GLI3: variants seen among roughly 807,000 people sequenced by gnomAD.
GLI3 encodes transcription activator GLI3.
GLI3 carries 20 observed loss-of-function variants against 100.8 expected under a neutral mutation model. The ratio of observed to expected loss-of-function variants is 0.20; its 90% CI spans 0.14 to 0.29. The LOEUF is 0.29. Among genes scored for constraint, GLI3 ranks in the 10% least tolerant of loss-of-function variants. GLI3 has a pLI of 1.00. For synonymous variants in GLI3, 938 were observed against 860.5 expected (o/e 1.09, Z -1.58); for missense variants, 2,040 against 2,128.5 (o/e 0.96, Z 0.82).
intron 7 of GLI3, among the ~76,000 whole-genome samples, chr7:42,036,348 G>A (rs1789437888): frequency 6.6e-6 from 1 of 152,152 alleles, no homozygotes; most frequent in South Asian, 2.1e-4. Context: ...AATTACTCAT[G>A]AGAGAGCTCC....
At chr7:42,208,191 A>AAAATAG (rs1448123239) in intron 2 of GLI3, among the ~76,000 whole-genome samples, 2 of 152,100 alleles carry the variant, frequency 1.3e-5, no homozygotes, top group Non-Finnish European at 2.9e-5. Context: ...AATAAAAATA[A>AAAATAG]AAACACATTT....
At chr7:41,989,760 C>A (rs1240089141) in intron 10 of GLI3, among the ~76,000 whole-genome samples, 1 of 151,916 alleles carries the variant, frequency 6.6e-6, no homozygotes, top group Non-Finnish European at 1.5e-5. Flanking sequence ...GGGCTGGGTG[C>A]AGTGGCTCAC....
chr7:42,169,022 T>C (rs1430707936), intron 2 of GLI3, among the ~76,000 whole-genome samples: 1 of 152,212 alleles, frequency 6.6e-6, no homozygotes, highest in Non-Finnish European at 1.5e-5. Context: ...TTGAGCCTAA[T>C]TCTAGCTTCA....
chr7:42,096,021 G>C (rs1278491419), intron 3 of GLI3, among the ~76,000 whole-genome samples: 1 of 152,160 alleles, frequency 6.6e-6, no homozygotes, highest in African/African-American at 2.4e-5. Flanking sequence ...GGGCCAGAGG[G>C]AGGAGGCAGT....
At chr7:42,209,908 T>C (rs1466737899) in intron 2 of GLI3, among the ~76,000 whole-genome samples, 1 of 126,462 alleles carries the variant, frequency 7.9e-6, no homozygotes, top group Middle Eastern at 5.4e-3. Flanking sequence ...ATTTTCCAAG[T>C]GAAAGTTAGA....
Position 42,257,866 on chromosome 7 carries a change from A to G in GLI3, c.-43+6128T>C, listed in dbSNP as rs375672464. 2.6e-5 allele frequency among the ~76,000 whole-genome samples: 4 copies of G among 152,190 alleles called. No individual in the cohort carries two copies. In the East Asian group the frequency reaches 5.8e-4, roughly 22 times the overall value. ...GTATATTATATCCATTGCTTTTTGT[A>G]TATTAAGCAAACCTTGTATTTCTGA... On this transcript the variant is annotated intron_variant, in intron 1 of 2. Coordinates refer to the GLI3 transcript ENST00000678978.
intron 2 of GLI3, among the ~76,000 whole-genome samples, chr7:42,194,431 C>A (rs1787885485): frequency 6.6e-6 from 1 of 152,190 alleles, no homozygotes; most frequent in Admixed American, 6.5e-5. Context: ...AGGCCTACAT[C>A]CAACTTTTCT....
At chr7:42,209,626 G>GGA (rs1356889083) in intron 2 of GLI3, among the ~76,000 whole-genome samples, 2 of 152,064 alleles carry the variant, frequency 1.3e-5, no homozygotes, top group Non-Finnish European at 2.9e-5. Context: ...GAATATCAAG[G>GGA]GAGAGAGAGC....
At chr7:42,111,860 CT>C (rs1785715464) in intron 3 of GLI3, among the ~76,000 whole-genome samples, 1 of 152,142 alleles carries the variant, frequency 6.6e-6, no homozygotes, top group Admixed American at 6.5e-5. Flanking sequence ...TGGAAAAACA[CT>C]AGATGACCCA....
intron 10 of GLI3, among the ~76,000 whole-genome samples, chr7:42,014,664 T>C (rs768190046): frequency 1.2e-4 from 18 of 152,282 alleles, no homozygotes; most frequent in Non-Finnish European, 1.9e-4. Context: ...CCTTACTCAT[T>C]TTCCCACTGT....
intron 3 of GLI3, among the ~76,000 whole-genome samples, chr7:42,081,375 G>T (rs963523311): frequency 3.3e-5 from 5 of 152,202 alleles, no homozygotes; most frequent in African/African-American, 1.2e-4. Flanking sequence ...ACTAAACAGA[G>T]ATTTGAAGAG....
At chr7:42,261,235 G>T (rs10257205) in intron 1 of GLI3, among the ~76,000 whole-genome samples, 1 of 151,174 alleles carries the variant, frequency 6.6e-6, no homozygotes, top group Non-Finnish European at 1.5e-5. Context: ...CACACACACA[G>T]AGAGAGATTA....
intron 4 of GLI3, among the ~76,000 whole-genome samples, chr7:42,064,414 A>G (rs1015408547): frequency 1.6e-4 from 25 of 152,304 alleles, no homozygotes; most frequent in African/African-American, 5.5e-4. Context: ...GTGCTCAAGG[A>G]TCCGGTTAAC....
intron 2 of GLI3, among the ~76,000 whole-genome samples, chr7:42,207,891 C>T (rs1295426545): frequency 2.0e-5 from 3 of 152,224 alleles, no homozygotes; most frequent in Admixed American, 6.5e-5. Flanking sequence ...AGCACGGTGG[C>T]TCACGCCTAT....
chr7:42,226,218 C>A (rs995334434), intron 1 of GLI3, among the ~76,000 whole-genome samples: 3 of 152,120 alleles, frequency 2.0e-5, no homozygotes, highest in African/African-American at 4.8e-5. Context: ...GAGTCTACAA[C>A]GTTAAAACTG....
chr7:42,264,033 A>C (rs1315488036), exon 1 of GLI3, among the ~76,000 whole-genome samples: 1 of 152,076 alleles, frequency 6.6e-6, no homozygotes, highest in East Asian at 1.9e-4. Context: ...GGATCGCTTC[A>C]CTCTGATTGT....
chr7:42,001,236 CAA>C (rs10700047), intron 10 of GLI3, among the ~76,000 whole-genome samples: 2 of 85,700 alleles, frequency 2.3e-5, no homozygotes. Context: ...GACTATGTCT[CAA>C]AAAAAAAAAA....
intron 10 of GLI3, among the ~76,000 whole-genome samples, chr7:42,008,847 C>A (rs2128724666): frequency 6.6e-6 from 1 of 152,316 alleles, no homozygotes; most frequent in South Asian, 2.1e-4. Context: ...ATTAAAGGTC[C>A]TATGTTGTTA....
intron 1 of GLI3, among the ~76,000 whole-genome samples, chr7:42,235,592 T>C (rs1462884368): frequency 6.6e-6 from 1 of 152,218 alleles, no homozygotes; most frequent in Non-Finnish European, 1.5e-5. Context: ...TTACTCGAAT[T>C]TTCAGCAAAG....
Sources: gnomAD v4.1 joint callset for allele counts (sites outside exome capture counted in the v4.1 genomes callset) on GRCh38, gnomAD v4.1.1 for gene constraint, MANE v1.5 for transcripts, NCBI Gene and HGNC (gene_info 2026-07-23, HGNC 2026-07-21) for gene names.